PLAT: variants seen among roughly 807,000 people sequenced by gnomAD.
The protein encoded by PLAT is plasminogen activator, tissue type.
A neutral mutation model predicts 74.9 loss-of-function variants in PLAT; 48 were observed. The ratio of observed to expected loss-of-function variants is 0.64; its 90% confidence interval spans 0.51 to 0.82. The LOEUF is 0.82. Among genes scored for constraint, PLAT ranks in the 40% least tolerant of loss-of-function variants. The pLI is 0.00. For synonymous variants in PLAT, 307 were observed against 294.4 expected, an observed-to-expected ratio of 1.04 and a Z score of -0.44; for missense variants, 673 against 736.2, an observed-to-expected ratio of 0.91 and a Z score of 0.99.
At chr8:42,188,618 T>G (rs570933159) in intron 4 of PLAT, 1 of 279,176 alleles carries the variant, frequency 3.6e-6, no homozygotes, top group Non-Finnish European at 6.8e-6. Context: ...TCTGTGTTTT[T>G]GTTTTTGTTT....
At chr8:42,199,691 G>A (rs1421326488) in intron 1 of PLAT, among the ~76,000 whole-genome samples, 3 of 152,134 alleles carry the variant, frequency 2.0e-5, no homozygotes, top group African/African-American at 7.2e-5. Flanking sequence ...AGTCTATCCC[G>A]CCTCCTCCCA....
intron 6 of PLAT, chr8:42,186,383 A>G (rs1805458984): frequency 6.6e-6 from 1 of 152,278 alleles, no homozygotes; most frequent in South Asian, 2.1e-4. Flanking sequence ...GCCAGACTCA[A>G]TTGTGTGTTC....
At chr8:42,201,399 G>T (rs769106669) in intron 1 of PLAT, among the ~76,000 whole-genome samples, 2 of 152,166 alleles carry the variant, frequency 1.3e-5, no homozygotes, top group Non-Finnish European at 2.9e-5. Context: ...CTACTGTCAT[G>T]AACATCCTTC....
intron 13 of PLAT, among the ~76,000 whole-genome samples, chr8:42,177,450 A>G (rs1005647587): frequency 6.6e-6 from 1 of 152,200 alleles, no homozygotes; most frequent in Non-Finnish European, 1.5e-5. Context: ...GGTAAAGTAG[A>G]GTTAATTACT....
At chr8:42,204,774 A>G (rs1472242923) in intron 1 of PLAT, among the ~76,000 whole-genome samples, 2 of 151,968 alleles carry the variant, frequency 1.3e-5, no homozygotes, top group East Asian at 3.8e-4. Context: ...CTGTAATCCC[A>G]GCACTTTGGA....
Position 42,178,973 on chromosome 8 carries a change from GT to G in PLAT, c.1453del (p.Thr485GlnfsTer36). Reference protein sequence around the residue: ...RCTSQHLLNRTVTDNMLCAGD... With the variant: ...RCTSQHLLNRXVTDNMLCAGD... Reference sequence around the variant, plus strand: ...AGCACACAGCATGTTGTCGGTGACTGTTCTGTTAAGTAAATGTTGTGATGTG... The same window carrying G: ...AGCACACAGCATGTTGTCGGTGACTGTCTGTTAAGTAAATGTTGTGATGTG... On this transcript the variant is annotated frameshift_variant, in exon 13 of 14. Transcript: ENST00000220809. LOFTEE classifies it high-confidence loss of function. 1 of 1,614,074 alleles carries G rather than the reference GT, an allele frequency of 6.2e-7. No individual in the cohort carries two copies.
intron 12 of PLAT, among the ~76,000 whole-genome samples, chr8:42,179,510 G>A (rs577316380): frequency 6.6e-6 from 1 of 152,264 alleles, no homozygotes; most frequent in South Asian, 2.1e-4. Context: ...TCTAATTAGG[G>A]AGATAGTTCT....
At chr8:42,179,418 A>T (rs1194150856) in intron 12 of PLAT, among the ~76,000 whole-genome samples, 2 of 152,052 alleles carry the variant, frequency 1.3e-5, no homozygotes, top group Admixed American at 1.3e-4. Flanking sequence ...ACGTCTCCAG[A>T]CCTCGCCAAA....
chr8:42,191,007 G>A (rs1805659693), intron 3 of PLAT, among the ~76,000 whole-genome samples: 1 of 152,174 alleles, frequency 6.6e-6, no homozygotes, highest in Admixed American at 6.5e-5. Flanking sequence ...TGCTGCTGGC[G>A]GCTGTGTGAC....
intron 1 of PLAT, among the ~76,000 whole-genome samples, chr8:42,203,140 T>C (rs1223970914): frequency 6.6e-6 from 1 of 152,094 alleles, no homozygotes; most frequent in African/African-American, 2.4e-5. Context: ...GGAATAGTTG[T>C]GACTACATAA....
chr8:42,183,366 C>G (rs545483295), intron 7 of PLAT, among the ~76,000 whole-genome samples: 3 of 152,134 alleles, frequency 2.0e-5, no homozygotes, highest in Non-Finnish European at 2.9e-5. Flanking sequence ...TCATCTCCAC[C>G]GGAAGTGGCT....
At chr8:42,187,630 A>G (rs1805535381) in intron 5 of PLAT, 58 bp from the exon 6 acceptor site, 1 of 1,476,788 alleles carries the variant, frequency 6.8e-7, no homozygotes. Context: ...TTCAGCCCTC[A>G]GGAGGCTCCC....
chr8:42,193,938 T>A (rs1805787055), intron 1 of PLAT, among the ~76,000 whole-genome samples: 1 of 151,824 alleles, frequency 6.6e-6, no homozygotes. Context: ...ATGGTCTCGA[T>A]CTCCTGACCT....
chr8:42,202,250 G>A (rs1286374875), intron 1 of PLAT, among the ~76,000 whole-genome samples: 1 of 151,462 alleles, frequency 6.6e-6, no homozygotes, highest in African/African-American at 2.4e-5. Context: ...ACCCGGGCTG[G>A]TTTCAAACTC....
At chr8:42,198,609 T>G (rs1422283179) in intron 1 of PLAT, among the ~76,000 whole-genome samples, 1 of 152,244 alleles carries the variant, frequency 6.6e-6, no homozygotes, top group Non-Finnish European at 1.5e-5. Flanking sequence ...TAGTCTGTAC[T>G]CTTGCCAGCA....
At chr8:42,180,934 A>C (rs1028997224) in intron 9 of PLAT, among the ~76,000 whole-genome samples, 4 of 152,206 alleles carry the variant, frequency 2.6e-5, no homozygotes, top group Non-Finnish European at 5.9e-5. Flanking sequence ...AAAACTGGGG[A>C]TCTGCCATCC....
In PLAT at chr8:42,175,756, T is replaced by G; in HGVS notation, c.*237A>C. ...GAGGAGGCATTCCTGGAGAGGCTAG[T>G]GTGCATTCATGTCTTCCCATCTGAC... On this transcript the variant is annotated 3_prime_UTR_variant, in exon 14 of 14. Coordinates refer to ENST00000220809, the MANE Select transcript of PLAT (RefSeq NM_000930.5). 2.1e-6 allele frequency: 1 copy of G among 471,704 alleles called. No individual in the cohort carries two copies. 29.2% of individuals were successfully genotyped at this position (471,704 alleles called of 1,614,324 possible).
At position 42,182,825 on chromosome 8, in the gene PLAT, C is replaced by G; in HGVS notation, c.697G>C (p.Gly233Arg). 1 of 1,613,680 alleles carries G rather than the reference C, an allele frequency of 6.2e-7. No individual in the cohort carries two copies. The highest frequency in any genetic ancestry group is 1.1e-5 in the South Asian group (1 of 91,068). ...YRGTHSLTES[G>R]ASCLPWNSMI... The stretch of plus-strand genomic sequence containing the variant: ...GAATTCCACGGGAGGCAGGAGGCAC[C>G]CGACTCGGTGAGGCTGTGCGTGCCA... Residue 233 changes from glycine to arginine, a missense_variant, in exon 8 of 14, where the codon GGT becomes CGT. Coordinates refer to ENST00000220809, the MANE Select transcript of PLAT (RefSeq NM_000930.5).
At chr8:42,203,886 G>A (rs1202505279) in intron 1 of PLAT, among the ~76,000 whole-genome samples, 2 of 151,412 alleles carry the variant, frequency 1.3e-5, no homozygotes, top group Non-Finnish European at 2.9e-5. Context: ...GATCACTTGA[G>A]CCCAGGAGTT....
Sources: allele counts gnomAD v4.1 joint callset (sites outside exome capture counted in the v4.1 genomes callset), GRCh38; gene constraint gnomAD v4.1.1; transcripts MANE v1.5; gene names NCBI Gene and HGNC (gene_info 2026-07-23, HGNC 2026-07-21).